Variants in ANKS6 observed in about 807,000 individuals in gnomAD.
The protein encoded by ANKS6 is ankyrin repeat and SAM domain-containing protein 6.
Under a neutral mutation model 77.9 loss-of-function variants are expected in ANKS6, and 47 were observed. The observed-to-expected ratio is 0.60, with a 90% CI of 0.48 to 0.77. The LOEUF (loss-of-function observed/expected upper bound fraction) is 0.77, where lower values mean the gene tolerates loss of function less well. Among genes scored for constraint, ANKS6 ranks in the 30% least tolerant of loss-of-function variants. The probability of loss-of-function intolerance (pLI) is 0.00; values close to 1 mark genes in which losing one functional copy is unlikely to be tolerated. For missense variants in ANKS6, 1,150 were observed against 1,159.1 expected (o/e 0.99, Z 0.11); for synonymous variants, 488 against 501.7 (o/e 0.97, Z 0.37).
At chr9:98,740,569 CA>C (rs1313828235) in intron 14 of ANKS6, among the ~76,000 whole-genome samples, 4 of 152,208 alleles carry the variant, frequency 2.6e-5, no homozygotes, top group Non-Finnish European at 5.9e-5. Context: ...GAAGGGTTGA[CA>C]GCAATTTTAT....
intron 1 of ANKS6, 195 bp downstream of exon 1, chr9:98,795,938 T>A: frequency 1.8e-6 from 1 of 545,092 alleles, no homozygotes; most frequent in Non-Finnish European, 2.7e-6. Context: ...TTTCTAAGAA[T>A]CTGATTTTAT....
In ANKS6 at chr9:98,736,185, T is replaced by C; in HGVS notation, c.*334A>G. ...AGCCGTGCCTTCTCCATCGTCCCTT[T>C]CCCTTGCCGCCAGCCAGAAGCAAAC... On this transcript the variant is annotated 3_prime_UTR_variant, in exon 15 of 15. Coordinates refer to ENST00000353234, the MANE Select transcript of ANKS6 (RefSeq NM_173551.5). 8.5e-7 allele frequency: 1 copy of C among 1,178,852 alleles called. No individual in the cohort carries two copies. The highest frequency in any genetic ancestry group is 3.4e-5 in the South Asian group (1 of 29,064). The allele number at this position is 1,178,852 out of a possible 1,614,324, so 73.0% of individuals were successfully genotyped here. A position where few individuals can be genotyped will look rare whatever the true frequency, so the allele number is the denominator to read the frequency against.
At chr9:98,793,034 GTGCTGTGATTAC>G (rs1445697254) in intron 1 of ANKS6, among the ~76,000 whole-genome samples, 5 of 152,334 alleles carry the variant, frequency 3.3e-5, no homozygotes, top group Non-Finnish European at 7.3e-5. Flanking sequence ...TTCTGAACAG[GTGCTGTGATTAC>G]TGATGAATTT....
intron 2 of ANKS6, 51 bp downstream of exon 2, chr9:98,790,053 T>C: frequency 1.3e-6 from 2 of 1,518,838 alleles, no homozygotes; most frequent in South Asian, 2.6e-5. Context: ...TTAAGCCACA[T>C]AAACACAATT....
intron 11 of ANKS6, among the ~76,000 whole-genome samples, chr9:98,757,521 G>A (rs1832779936): frequency 6.6e-6 from 1 of 152,236 alleles, no homozygotes. Context: ...CCCATTCAGT[G>A]CATCGTTATG....
In ANKS6 at chr9:98,751,034, G is replaced by A. The variant is rs1832401424; in HGVS notation, c.2389C>T (p.Gln797Ter). Residue 797 changes from glutamine to a stop codon, truncating the protein, a stop_gained, in exon 13 of 15, where the codon CAA becomes TAA. Coordinates refer to ENST00000353234, the MANE Select transcript of ANKS6 (RefSeq NM_173551.5). LOFTEE classifies it high-confidence loss of function. ...TTCAAAAAGAGCATTCTTACCTCTT[G>A]TTCCTCAAAAATGGGCTGATATTTC... is the stretch of plus-strand genomic sequence containing the variant. ...LEKYQPIFEE[Q>*]EVDMEAFLTL... 1 of 1,607,384 alleles carries A rather than the reference G, an allele frequency of 6.2e-7. No homozygotes were observed. Among genetic ancestry groups the A allele is most frequent in the Non-Finnish European group, 8.5e-7 (1 of 1,176,826 alleles).
intron 3 of ANKS6, 40 bp downstream of exon 3, chr9:98,784,792 A>G (rs1166205079): frequency 6.4e-7 from 1 of 1,569,202 alleles, no homozygotes; most frequent in Non-Finnish European, 8.8e-7. Flanking sequence ...ATGTAGCCCT[A>G]TATTCTTAAA....
chr9:98,783,898 T>A, intron 4 of ANKS6, 55 bp downstream of exon 4: 1 of 1,408,544 alleles, frequency 7.1e-7, no homozygotes, highest in Non-Finnish European at 9.3e-7. Context: ...AACCTCCATC[T>A]CAGGCCAGAG....
rs754410560 is a variant in ANKS6 at position 98,784,079 on chromosome 9, G to A, written c.986C>T (p.Pro329Leu). 5.0e-6 allele frequency: 8 copies of A among 1,608,296 alleles called. No individual in the cohort carries two copies. Among genetic ancestry groups the A allele is most frequent in the Non-Finnish European group, 8.5e-7 (1 of 1,177,206 alleles). ...VNLVNGDGAT[P>L]LMLAAVTGQL... ...CCCCGTAACAGCTGCTAGCATCAGT[G>A]GCGTCGCCCCGTCCCCATTGACCAA... The change falls in exon 4 of 15, where the codon CCA (proline) becomes CTA (leucine). Residue 329 changes from proline (P) to leucine (L), a missense_variant. Coordinates refer to ENST00000353234, the MANE Select transcript of ANKS6 (RefSeq NM_173551.5).
intron 12 of ANKS6, among the ~76,000 whole-genome samples, chr9:98,754,824 A>G (rs1041903870): frequency 6.6e-6 from 1 of 152,182 alleles, no homozygotes; most frequent in African/African-American, 2.4e-5. Flanking sequence ...TTTCATCCCA[A>G]TTAGGACTCT....
chr9:98,790,250 C>T lies in ANKS6; in HGVS notation c.716G>A (p.Gly239Glu), dbSNP rs749513075. 2 of 1,605,988 alleles carry T rather than the reference C, an allele frequency of 1.2e-6. No individual in the cohort carries two copies. The highest frequency in any genetic ancestry group is 2.2e-5 in the South Asian group (2 of 90,900). The change falls in exon 2 of 15, where the codon GGA (glycine) becomes GAA (glutamate). Residue 239 changes from glycine to glutamate, a missense_variant. Gly to Glu is a moderately conservative substitution (Grantham distance 98). Transcript: ENST00000353234. Reference protein sequence around the residue: ...LMLAALTGRLGVAQQLVEKGA... With the variant: ...LMLAALTGRLEVAQQLVEKGA... ...CTTCTCCACCAGCTGCTGGGCCACT[C>T]CAAGCCGCCCAGTGAGTGCGGCCAG...
intron 14 of ANKS6, among the ~76,000 whole-genome samples, chr9:98,744,664 A>G (rs1040137768): frequency 1.1e-4 from 16 of 152,230 alleles, no homozygotes; most frequent in Non-Finnish European, 1.9e-4. Flanking sequence ...ATGCTCTCTG[A>G]TATCTCCACA....
At chr9:98,779,500 A>G (rs1344686462) in intron 6 of ANKS6, among the ~76,000 whole-genome samples, 1 of 152,144 alleles carries the variant, frequency 6.6e-6, no homozygotes, top group Non-Finnish European at 1.5e-5. Flanking sequence ...TTAAGATTCC[A>G]TATCAAAATC....
chr9:98,790,091 C>T lies in ANKS6; in HGVS notation c.862+13G>A, dbSNP rs997356628. On this transcript the variant is annotated intron_variant, in intron 2 of 14. Coordinates refer to ENST00000353234, the MANE Select transcript of ANKS6 (RefSeq NM_173551.5). The stretch of plus-strand genomic sequence containing the variant: ...GGGTCCTCTGTGAAGCCACGGGGGG[C>T]ATGCAGCCTGACCTGTTTTGGGCCT... The T allele has an allele frequency of 1.3e-6, 2 of 1,542,224 alleles. No individual in the cohort carries two copies. The highest frequency in any genetic ancestry group is 1.4e-5 in the African/African-American group (1 of 73,448).
In ANKS6 at chr9:98,780,225, G is replaced by A. The variant is rs1158724181; in HGVS notation, c.1332C>T (p.Ser444=). The change falls in exon 6 of 15, where the codon AGC becomes AGT. Residue 444 remains serine (S), a synonymous_variant. Coordinates refer to ENST00000353234, the MANE Select transcript of ANKS6 (RefSeq NM_173551.5). ...CCTTGTCATCGGGCAGCACTGGGATGCTCCAGGGCTGTCGGACCTTCGAGT... is the reference window on the plus strand; with the variant it reads ...CCTTGTCATCGGGCAGCACTGGGATACTCCAGGGCTGTCGGACCTTCGAGT... ...LPHSKVRQPW[S]IPVLPDDKGG... The A allele has an allele frequency of 6.2e-7, 1 of 1,614,014 alleles. No individual in the cohort carries two copies. Among genetic ancestry groups the A allele is most frequent in the African/African-American group, 1.3e-5 (1 of 74,944 alleles).
chr9:98,756,452 C>T lies in ANKS6; in HGVS notation c.2294G>A (p.Gly765Glu). ...SSSHRQSKSS[G>E]GSSSGTITDE... is the part of the protein sequence containing the mutation. ...TGTGATGGTGCCACTGCTGGAGCCC[C>T]CACTGCTCTTGGACTGCCGATGGGA... is the stretch of plus-strand genomic sequence containing the variant. Residue 765 changes from glycine to glutamate, a missense_variant, in exon 12 of 15, where the codon GGG (glycine) becomes GAG (glutamate). Transcript: ENST00000353234. 6.2e-7 allele frequency: 1 copy of T among 1,613,438 alleles called. No homozygotes were observed. The highest frequency in any genetic ancestry group is 8.5e-7 in the Non-Finnish European group (1 of 1,179,656).
intron 11 of ANKS6, among the ~76,000 whole-genome samples, chr9:98,757,171 A>T (rs1292449234): frequency 1.3e-5 from 2 of 152,218 alleles, no homozygotes; most frequent in Non-Finnish European, 2.9e-5. Flanking sequence ...CCTGATATTA[A>T]TATCTACATC....
Position 98,746,583 on chromosome 9 carries a change from T to C in ANKS6, c.2395-908A>G, listed in dbSNP as rs1034594219. ...ACAGGGAAACTGAGGCACAGAGAGC[T>C]TTTTTTTTTTTTTTTTTAGCATTCA... On this transcript the variant is annotated intron_variant, in intron 13 of 14. Coordinates refer to ENST00000353234, the MANE Select transcript of ANKS6 (RefSeq NM_173551.5). Among the ~76,000 whole-genome samples, 8 of 91,878 alleles carry C rather than the reference T, an allele frequency of 8.7e-5. No homozygotes were observed. In the South Asian group the frequency reaches 1.8e-3, roughly 20 times the overall value. The allele number at this position is 91,878 out of a possible 152,430, so 60.3% of individuals were successfully genotyped here.
In ANKS6 at chr9:98,771,060, G is replaced by C; in HGVS notation, c.1822-14C>G. ...CCTGACGGGTGTCTACAAGAATAAG[G>C]CAGGTGCAGCACTTAGGGAGGCTGC... is the stretch of plus-strand genomic sequence containing the variant. On this transcript the variant is annotated splice_polypyrimidine_tract_variant and intron_variant, in intron 9 of 14. Transcript: ENST00000353234. 6.5e-7 allele frequency: 1 copy of C among 1,536,748 alleles called. No homozygotes were observed. Among genetic ancestry groups the C allele is most frequent in the Non-Finnish European group, 8.8e-7 (1 of 1,139,062 alleles).
Sources: allele counts gnomAD v4.1 joint callset (sites outside exome capture counted in the v4.1 genomes callset), GRCh38; gene constraint gnomAD v4.1.1; transcripts MANE v1.5; gene names NCBI Gene and HGNC (gene_info 2026-07-23, HGNC 2026-07-21).